The following FHIT variants were observed in gnomAD, a reference collection of about 807,000 sequenced individuals.
FHIT encodes the protein bis(5'-adenosyl)-triphosphatase.
A neutral mutation model predicts 17.9 loss-of-function variants in FHIT; 19 were observed. The observed-to-expected ratio is 1.06, with a 90% CI of 0.74 to 1.56. The LOEUF (loss-of-function observed/expected upper bound fraction) is 1.56. FHIT is among the 40% of genes most tolerant of loss of function. The pLI is 0.00. For missense variants in FHIT, 248 were observed against 189.2 expected, an observed-to-expected ratio of 1.31 and a Z score of -1.82; for synonymous variants, 81 against 69.7, an observed-to-expected ratio of 1.16 and a Z score of -0.81.
intron 5 of FHIT, among the ~76,000 whole-genome samples, chr3:60,395,577 T>C (rs1701406192): frequency 6.6e-6 from 1 of 152,132 alleles, no homozygotes; most frequent in African/African-American, 2.4e-5. Flanking sequence ...AACGAGTTTA[T>C]GAGCTAGATA....
At chr3:60,548,621 T>C (rs2036447778) in intron 4 of FHIT, among the ~76,000 whole-genome samples, 7 of 152,294 alleles carry the variant, frequency 4.6e-5, no homozygotes. Flanking sequence ...GCCTGGCTAC[T>C]CAAAATGTGG....
At chr3:60,710,420 G>A (rs554305602) in intron 4 of FHIT, among the ~76,000 whole-genome samples, 42 of 152,334 alleles carry the variant, frequency 2.8e-4, no homozygotes, top group Admixed American at 6.5e-4. Context: ...GACAGTGGGC[G>A]CAGGAGAGTG....
At chr3:60,292,986 C>T (rs2106667842) in intron 5 of FHIT, among the ~76,000 whole-genome samples, 1 of 152,238 alleles carries the variant, frequency 6.6e-6, no homozygotes, top group East Asian at 1.9e-4. Flanking sequence ...AAACATTCTC[C>T]ATAGCAACAC....
At chr3:60,048,509 T>C (rs1429698661) in intron 5 of FHIT, among the ~76,000 whole-genome samples, 1 of 152,138 alleles carries the variant, frequency 6.6e-6, no homozygotes, top group Non-Finnish European at 1.5e-5. Context: ...TAGCTACAAA[T>C]GCGGTCACAT....
At chr3:60,777,991 T>C (rs1700262714) in intron 4 of FHIT, among the ~76,000 whole-genome samples, 2 of 152,174 alleles carry the variant, frequency 1.3e-5, no homozygotes, top group Non-Finnish European at 2.9e-5. Flanking sequence ...TACATGGCTT[T>C]TCAAATACTT....
chr3:60,000,019 CTCAGCA>C (rs1699666993), intron 7 of FHIT, among the ~76,000 whole-genome samples: 1 of 152,166 alleles, frequency 6.6e-6, no homozygotes. Flanking sequence ...CCATGTCAGC[CTCAGCA>C]TCTGTTTTGC....
At chr3:59,904,775 T>C (rs750337409) in intron 8 of FHIT, among the ~76,000 whole-genome samples, 2 of 152,238 alleles carry the variant, frequency 1.3e-5, no homozygotes, top group Admixed American at 6.5e-5. Context: ...AGAGGGGATA[T>C]GGATTTGGTC....
chr3:60,191,085 G>C (rs1216608025), intron 5 of FHIT, among the ~76,000 whole-genome samples: 2 of 151,858 alleles, frequency 1.3e-5, no homozygotes, highest in Admixed American at 6.6e-5. Context: ...TTTAAGTGAG[G>C]CAGTATCCCA....
chr3:60,028,712 G>A (rs115465145), intron 5 of FHIT, among the ~76,000 whole-genome samples: 2,953 of 152,246 alleles, frequency 0.019, 34 homozygotes, highest in Middle Eastern at 0.037. Flanking sequence ...AACTGACTTT[G>A]GGAATGCCAA....
At chr3:60,931,274 T>A (rs1707939088) in intron 3 of FHIT, among the ~76,000 whole-genome samples, 1 of 151,892 alleles carries the variant, frequency 6.6e-6, no homozygotes, top group African/African-American at 2.4e-5. Context: ...AAATGATGAG[T>A]TAATGGGTGC....
rs568428863 is a variant in FHIT at position 61,185,080 on chromosome 3, C to G, written c.-164+15537G>C. Among the ~76,000 whole-genome samples the G allele has an allele frequency of 8.5e-5, 13 of 152,274 alleles. No homozygotes were observed. The South Asian group carries it at 1.5e-3, about 17-fold the overall frequency. On this transcript the variant is annotated intron_variant, in intron 2 of 9. Coordinates refer to ENST00000492590, the MANE Select transcript of FHIT (RefSeq NM_002012.4). ...AAGTATAAATAGACTTTTTCCCCCC[C>G]ACGAAGTAGGAAAAGGATTAAGTAG... is the stretch of plus-strand genomic sequence containing the variant.
At chr3:59,783,434 A>G (rs1207912011) in intron 8 of FHIT, among the ~76,000 whole-genome samples, 4 of 152,246 alleles carry the variant, frequency 2.6e-5, no homozygotes, top group Non-Finnish European at 4.4e-5. Context: ...ATGCCACTGC[A>G]CTCCAGCCTG....
At chr3:59,804,866 G>A (rs1024218535) in intron 8 of FHIT, among the ~76,000 whole-genome samples, 1 of 152,214 alleles carries the variant, frequency 6.6e-6, no homozygotes, top group Non-Finnish European at 1.5e-5. Context: ...AGAGCGAACA[G>A]CCGAGGACTG....
chr3:60,760,761 T>C (rs1699621468), intron 4 of FHIT, among the ~76,000 whole-genome samples: 1 of 152,132 alleles, frequency 6.6e-6, no homozygotes, highest in Non-Finnish European at 1.5e-5. Flanking sequence ...AAATGTTGCA[T>C]TTGGTAGTGT....
intron 2 of FHIT, among the ~76,000 whole-genome samples, chr3:61,107,050 T>A (rs9855482): frequency 0.015 from 2,223 of 152,334 alleles, 51 homozygotes; most frequent in African/African-American, 0.05. Context: ...ATAGTCATTA[T>A]GTTGTACAAT....
chr3:60,221,851 C>T (rs558916740), intron 5 of FHIT, among the ~76,000 whole-genome samples: 122 of 152,186 alleles, frequency 8.0e-4, no homozygotes, highest in African/African-American at 2.7e-3. Context: ...AATTCTCTAT[C>T]GCTGTCCTAT....
chr3:60,339,923 A>G (rs963304852), intron 5 of FHIT, among the ~76,000 whole-genome samples: 1 of 152,160 alleles, frequency 6.6e-6, no homozygotes, highest in African/African-American at 2.4e-5. Flanking sequence ...TATTTCCAAA[A>G]GAGGAGATTC....
intron 3 of FHIT, among the ~76,000 whole-genome samples, chr3:61,039,925 A>C (rs2107687025): frequency 6.6e-6 from 1 of 152,344 alleles, no homozygotes; most frequent in South Asian, 2.1e-4. Context: ...GAATATTATT[A>C]CTAACTTGAA....
intron 5 of FHIT, among the ~76,000 whole-genome samples, chr3:60,135,131 C>T (rs544387199): frequency 6.6e-6 from 1 of 152,082 alleles, no homozygotes; most frequent in Non-Finnish European, 1.5e-5. Flanking sequence ...AACAGTGCCA[C>T]AGGAACTCAA....
Sources: allele counts gnomAD v4.1 joint callset (sites outside exome capture counted in the v4.1 genomes callset), GRCh38; gene constraint gnomAD v4.1.1; transcripts MANE v1.5; gene names NCBI Gene and HGNC (gene_info 2026-07-23, HGNC 2026-07-21).